IGF2R: variants seen among roughly 807,000 people sequenced by gnomAD.
IGF2R encodes the protein insulin like growth factor 2 receptor, also known as cation-independent mannose-6-phosphate receptor.
IGF2R carries 91 observed loss-of-function variants against 270.6 expected under a neutral mutation model. The observed-to-expected ratio is 0.34, with a 90% CI of 0.28 to 0.40. IGF2R has a LOEUF of 0.40. Among genes scored for constraint, IGF2R ranks in the 10% least tolerant of loss-of-function variants. The probability of loss-of-function intolerance (pLI) is 1.00; values close to 1 mark genes in which losing one functional copy is unlikely to be tolerated. For missense variants in IGF2R, 2,805 were observed against 3,188.3 expected, an observed-to-expected ratio of 0.88 and a Z score of 2.90; for synonymous variants, 1,316 against 1,258.9, an observed-to-expected ratio of 1.05 and a Z score of -0.96.
chr6:160,100,702 AG>A (rs1487019602), intron 45 of IGF2R, among the ~76,000 whole-genome samples: 1 of 123,328 alleles, frequency 8.1e-6, no homozygotes, highest in Non-Finnish European at 1.7e-5. Flanking sequence ...TTAACCACAA[AG>A]CAGGCAAGTC....
At chr6:160,047,446 G>C in intron 16 of IGF2R, 110 bp downstream of exon 16, 3 of 955,214 alleles carry the variant, frequency 3.1e-6, no homozygotes, top group Non-Finnish European at 4.5e-6. Context: ...AATCATCACC[G>C]TCATTAGATT....
chr6:160,028,784 T>A (rs1227846169), intron 6 of IGF2R, among the ~76,000 whole-genome samples: 1 of 151,074 alleles, frequency 6.6e-6, no homozygotes, highest in Non-Finnish European at 1.5e-5. Flanking sequence ...AGGAAATGAT[T>A]GACTAGCCTT....
chr6:160,059,264 G>T (rs1054610378), intron 22 of IGF2R, among the ~76,000 whole-genome samples, 166 bp downstream of exon 22: 1 of 152,158 alleles, frequency 6.6e-6, no homozygotes, highest in Admixed American at 6.5e-5. Context: ...GTTTGACCTC[G>T]CAGAATACAG....
At chr6:160,034,156 A>G (rs1236502134) in intron 9 of IGF2R, among the ~76,000 whole-genome samples, 1 of 152,254 alleles carries the variant, frequency 6.6e-6, no homozygotes, top group Non-Finnish European at 1.5e-5. Flanking sequence ...AGTGAGAACA[A>G]GAGAAGTCTT....
chr6:160,090,904 T>A, intron 44 of IGF2R, among the ~76,000 whole-genome samples: 1 of 147,542 alleles, frequency 6.8e-6, no homozygotes, highest in Non-Finnish European at 1.5e-5. Flanking sequence ...GCTGAGCTCA[T>A]CGCCGAGAAG....
At chr6:160,040,530 A>C in intron 10 of IGF2R, 30 bp from the exon 11 acceptor site, 1 of 1,608,680 alleles carries the variant, frequency 6.2e-7, no homozygotes, top group South Asian at 1.1e-5. Context: ...TCACGTATGG[A>C]GTTTAAATTT....
intron 7 of IGF2R, among the ~76,000 whole-genome samples, chr6:160,030,480 T>C (rs2115230389): frequency 6.6e-6 from 1 of 152,294 alleles, no homozygotes; most frequent in South Asian, 2.1e-4. Context: ...AGCTTTCCAC[T>C]TTCTGTCCCC....
chr6:159,981,827 CTT>C (rs1015914972), intron 1 of IGF2R, among the ~76,000 whole-genome samples: 1 of 152,206 alleles, frequency 6.6e-6, no homozygotes, highest in African/African-American at 2.4e-5. Context: ...CTGACATCAA[CTT>C]AGATGTCGTG....
At chr6:160,025,355 T>C (rs1777536732) in intron 5 of IGF2R, among the ~76,000 whole-genome samples, 1 of 152,230 alleles carries the variant, frequency 6.6e-6, no homozygotes. Flanking sequence ...GCCAGGACTG[T>C]CTTTCTGCAG....
At chr6:160,059,436 T>TA (rs1240382158) in intron 22 of IGF2R, among the ~76,000 whole-genome samples, 2 of 152,248 alleles carry the variant, frequency 1.3e-5, no homozygotes, top group Non-Finnish European at 2.9e-5. Context: ...GTGCCTAGCT[T>TA]ACAAATTGAG....
chr6:159,969,841 C>T (rs1562326829), intron 1 of IGF2R, among the ~76,000 whole-genome samples: 1 of 152,146 alleles, frequency 6.6e-6, no homozygotes, highest in Non-Finnish European at 1.5e-5. Context: ...GAGAGGCTCA[C>T]CGGGGCGTTG....
Position 160,050,168 on chromosome 6 carries a change from A to G in IGF2R, c.2515-305A>G, listed in dbSNP as rs1308269781. Among the ~76,000 whole-genome samples, 2 of 152,244 alleles carry G rather than the reference A, an allele frequency of 1.3e-5. No individual in the cohort carries two copies. The highest frequency in any genetic ancestry group is 6.5e-5 in the Admixed American group (1 of 15,286). On this transcript the variant is annotated intron_variant, in intron 18 of 47. Transcript: ENST00000356956. This position sits in a 1 kb window ranked among gnomAD's most constrained non-coding sequence, Gnocchi z 4.0. ...ACGAAAGCCTTATGATTCCAATGCC[A>G]GTGATTCTTTCTGTAGCAATAATGG...
At chr6:160,070,152 A>G in intron 31 of IGF2R, 94 bp downstream of exon 31, 1 of 1,230,900 alleles carries the variant, frequency 8.1e-7, no homozygotes, top group Admixed American at 2.0e-5. Flanking sequence ...CTGCCTTGGG[A>G]TGCGAGTTCT....
At chr6:160,058,163 C>T in intron 21 of IGF2R, 39 bp downstream of exon 21, 2 of 1,377,698 alleles carry the variant, frequency 1.5e-6, no homozygotes, top group Admixed American at 1.7e-5. Context: ...TGCTTTGAAA[C>T]AGGGGGAGAG....
chr6:159,990,854 G>A (rs1034334136), intron 1 of IGF2R, among the ~76,000 whole-genome samples: 4 of 152,020 alleles, frequency 2.6e-5, no homozygotes, highest in Non-Finnish European at 2.9e-5. Flanking sequence ...GGTCTTGAAC[G>A]CCTGACCTCG....
intron 2 of IGF2R, among the ~76,000 whole-genome samples, chr6:160,000,249 G>T (rs1396165129): frequency 6.6e-6 from 1 of 152,236 alleles, no homozygotes; most frequent in Non-Finnish European, 1.5e-5. Context: ...TGAAGGCTGT[G>T]TAGGAAGCAT....
At position 160,084,100 on chromosome 6, in the gene IGF2R, A is replaced by G. The variant is rs1263486841; in HGVS notation, c.5984A>G (p.Lys1995Arg). 5.0e-6 allele frequency: 8 copies of G among 1,614,120 alleles called. No homozygotes were observed. The highest frequency in any genetic ancestry group is 6.8e-6 in the Non-Finnish European group (8 of 1,180,000). The change falls in exon 40 of 48, where the codon AAA (lysine) becomes AGA (arginine). Residue 1995 changes from lysine (K) to arginine (R), a missense_variant. Lys to Arg is a conservative substitution (Grantham distance 26, BLOSUM62 2). Coordinates refer to ENST00000356956, the MANE Select transcript of IGF2R (RefSeq NM_000876.4). The surrounding 1 kb of genome is among the most constrained non-coding windows in gnomAD (Gnocchi z 4.6). ...VVCPPKKLEC[K>R]FVQKHKTYDL... Reference sequence around the variant, plus strand: ...TGCCCTCCAAAGAAGTTGGAGTGCAAATTCGTCCAGAAACACAAAACCTAC... The same window carrying G: ...TGCCCTCCAAAGAAGTTGGAGTGCAGATTCGTCCAGAAACACAAAACCTAC...
intron 27 of IGF2R, among the ~76,000 whole-genome samples, chr6:160,064,108 T>G (rs888646288): frequency 2.0e-5 from 3 of 152,224 alleles, no homozygotes; most frequent in African/African-American, 7.2e-5. Flanking sequence ...GGTGAGTACG[T>G]GGACAGCCCT....
intron 2 of IGF2R, chr6:160,006,210 C>CT (rs1235208416): frequency 6.4e-6 from 1 of 157,466 alleles, no homozygotes; most frequent in South Asian, 1.7e-4. Context: ...CGCGCCTCCC[C>CT]CCTCGCGCCT....
Sources: allele counts gnomAD v4.1 joint callset (sites outside exome capture counted in the v4.1 genomes callset), GRCh38; gene constraint gnomAD v4.1.1; non-coding constraint Gnocchi (gnomAD v3.1); transcripts MANE v1.5; gene names NCBI Gene and HGNC (gene_info 2026-07-23, HGNC 2026-07-21).